The following LUZP2 variants were observed in gnomAD, a reference collection of about 807,000 sequenced individuals.
LUZP2 encodes the protein leucine zipper protein 2.
Under a neutral mutation model 51.6 loss-of-function variants are expected in LUZP2, and 52 were observed. The ratio of observed to expected loss-of-function variants is 1.01; its 90% CI spans 0.81 to 1.27. LUZP2 has a LOEUF of 1.27. Among genes scored for constraint, LUZP2 ranks in the 50% most tolerant of loss-of-function variants. The pLI is 0.00. For synonymous variants in LUZP2, 154 were observed against 137.3 expected, an observed-to-expected ratio of 1.12 and a Z score of -0.85; for missense variants, 436 against 395.4, an observed-to-expected ratio of 1.10 and a Z score of -0.87.
chr11:24,730,481 G>T (rs1055970212), intron 2 of LUZP2, among the ~76,000 whole-genome samples: 1 of 151,656 alleles, frequency 6.6e-6, no homozygotes, highest in Non-Finnish European at 1.5e-5. Context: ...AGGAATCATC[G>T]TGTTATGATG....
chr11:24,967,977 C>G (rs1855635999), intron 7 of LUZP2, among the ~76,000 whole-genome samples: 1 of 152,014 alleles, frequency 6.6e-6, no homozygotes, highest in South Asian at 2.1e-4. Context: ...TATTTTATCT[C>G]TTGAATATTT....
chr11:25,018,039 T>TG (rs773959488), intron 9 of LUZP2, among the ~76,000 whole-genome samples: 6 of 10,160 alleles, frequency 5.9e-4, no homozygotes, highest in Non-Finnish European at 3.2e-3. Flanking sequence ...TTGTTTCTGT[T>TG]TTTTTTTTGT....
At chr11:24,911,929 A>G (rs1853648353) in intron 6 of LUZP2, among the ~76,000 whole-genome samples, 1 of 152,184 alleles carries the variant, frequency 6.6e-6, no homozygotes, top group Admixed American at 6.5e-5. Context: ...CTTATGCATC[A>G]TGCATTTCAC....
At chr11:25,028,402 A>G (rs12283330) in intron 9 of LUZP2, among the ~76,000 whole-genome samples, 15,162 of 152,156 alleles carry the variant, frequency 0.1, 1,865 homozygotes, top group African/African-American at 0.29. Flanking sequence ...CTGAGTGTCC[A>G]TCAACAGACA....
At chr11:24,612,390 A>C (rs1854152337) in intron 1 of LUZP2, among the ~76,000 whole-genome samples, 1 of 152,136 alleles carries the variant, frequency 6.6e-6, no homozygotes, top group Non-Finnish European at 1.5e-5. Flanking sequence ...CTTTATTTGA[A>C]AAATTAGGCC....
chr11:24,774,400 T>A (rs1466602), intron 5 of LUZP2, among the ~76,000 whole-genome samples: 81,780 of 106,078 alleles, frequency 0.77, 31,878 homozygotes, highest in East Asian at 0.86. Context: ...ACACACATAT[T>A]TATAAAGAAT....
chr11:24,987,001 ATTACT>A (rs1283012176), intron 9 of LUZP2, among the ~76,000 whole-genome samples: 229 of 151,952 alleles, frequency 1.5e-3, no homozygotes, highest in African/African-American at 5.1e-3. Flanking sequence ...CCTTGATCAA[ATTACT>A]TAACTTTTCT....
At chr11:24,998,918 T>C (rs554927426) in intron 9 of LUZP2, among the ~76,000 whole-genome samples, 2 of 152,322 alleles carry the variant, frequency 1.3e-5, no homozygotes, top group East Asian at 3.9e-4. Context: ...TATTTTAAAA[T>C]AGTTTAAAAT....
chr11:24,747,874 G>A (rs550323482), intron 4 of LUZP2, among the ~76,000 whole-genome samples: 184 of 152,218 alleles, frequency 1.2e-3, no homozygotes, highest in Admixed American at 2.9e-3. Flanking sequence ...CAGCTTCCAC[G>A]CAATCTGAAG....
At chr11:24,563,808 G>A (rs530786150) in intron 1 of LUZP2, among the ~76,000 whole-genome samples, 33 of 151,842 alleles carry the variant, frequency 2.2e-4, no homozygotes, top group Admixed American at 7.2e-4. Flanking sequence ...ATATAATTTT[G>A]CTCTTCATTT....
chr11:24,939,429 ACAAT>A (rs1171573616), intron 7 of LUZP2, among the ~76,000 whole-genome samples: 2 of 152,058 alleles, frequency 1.3e-5, no homozygotes, highest in Non-Finnish European at 2.9e-5. Flanking sequence ...CACTGAGGGG[ACAAT>A]CAAAGTTCAG....
At chr11:24,608,114 G>T (rs190930654) in intron 1 of LUZP2, among the ~76,000 whole-genome samples, 212 of 152,258 alleles carry the variant, frequency 1.4e-3, no homozygotes, top group African/African-American at 4.6e-3. Flanking sequence ...CTCCTAAAGT[G>T]CTGGGATTAC....
chr11:24,510,407 A>G (rs574623666), intron 1 of LUZP2, among the ~76,000 whole-genome samples: 9 of 152,216 alleles, frequency 5.9e-5, no homozygotes, highest in Non-Finnish European at 1.3e-4. Context: ...AAGTTCCTGT[A>G]AGTACCTGCC....
intron 5 of LUZP2, among the ~76,000 whole-genome samples, chr11:24,898,876 A>G (rs115837298): frequency 0.014 from 2,063 of 151,786 alleles, 45 homozygotes; most frequent in African/African-American, 0.044. Context: ...GTTCTATTAG[A>G]TGGGACCAAT....
chr11:24,716,246 G>A (rs1426142970), intron 1 of LUZP2, among the ~76,000 whole-genome samples: 1 of 151,936 alleles, frequency 6.6e-6, no homozygotes, highest in African/African-American at 2.4e-5. Context: ...TATTTCTTTG[G>A]GAAAACCAAA....
At chr11:24,497,497 C>T (rs190571009) in intron 1 of LUZP2, among the ~76,000 whole-genome samples, 192 bp downstream of exon 1, 87 of 152,266 alleles carry the variant, frequency 5.7e-4, no homozygotes, top group African/African-American at 1.9e-3. Flanking sequence ...TATCCCAGCC[C>T]CCTGGAGAAA....
intron 2 of LUZP2, among the ~76,000 whole-genome samples, chr11:24,731,013 C>T (rs974188665): frequency 3.3e-5 from 5 of 151,522 alleles, no homozygotes; most frequent in African/African-American, 1.2e-4. Context: ...CTTCTTTTTG[C>T]TTTCCTTGTA....
At chr11:24,705,050 G>C (rs192590953) in intron 1 of LUZP2, among the ~76,000 whole-genome samples, 2 of 151,846 alleles carry the variant, frequency 1.3e-5, no homozygotes, top group Non-Finnish European at 2.9e-5. Context: ...AAAGCTCTCA[G>C]TATACATCCA....
chr11:25,079,400 C>A lies in LUZP2; in HGVS notation c.*742C>A, dbSNP rs566678826. ...TAACCAAGTTTTCTGAAATACTTGGCAGGATTTTTGGTATGAAGTTGGGTA... is the reference window on the plus strand; with the variant it reads ...TAACCAAGTTTTCTGAAATACTTGGAAGGATTTTTGGTATGAAGTTGGGTA... On this transcript the variant is annotated 3_prime_UTR_variant, in exon 12 of 12. Transcript: ENST00000336930. The A allele has an allele frequency of 6.6e-6, 1 of 152,076 alleles. No homozygotes were observed. The highest frequency in any genetic ancestry group is 1.5e-5 in the Non-Finnish European group (1 of 67,934). The allele number at this position is 152,076 out of a possible 1,614,324, so 9.4% of individuals were successfully genotyped here. A position where few individuals can be genotyped will look rare whatever the true frequency, so the allele number is the denominator to read the frequency against.
Sources: allele counts gnomAD v4.1 joint callset (sites outside exome capture counted in the v4.1 genomes callset), GRCh38; gene constraint gnomAD v4.1.1; transcripts MANE v1.5; gene names NCBI Gene and HGNC (gene_info 2026-07-23, HGNC 2026-07-21).